C16orf46: variants seen among roughly 807,000 people sequenced by gnomAD.
The protein encoded by C16orf46 is chromosome 16 open reading frame 46.
Under a neutral mutation model 5.5 loss-of-function variants are expected in C16orf46, and 7 were observed. That is an observed-to-expected ratio of 1.28 (90% CI 0.73 to 2.40). The LOEUF is 2.40. C16orf46 is among the 30% of genes most tolerant of loss of function. The probability of loss-of-function intolerance (pLI) is 0.00; values close to 1 mark genes in which losing one functional copy is unlikely to be tolerated. For missense variants in C16orf46, 614 were observed against 476.0 expected (o/e 1.29, Z -2.70); for synonymous variants, 200 against 184.1 (o/e 1.09, Z -0.70).
intron 1 of C16orf46, among the ~76,000 whole-genome samples, chr16:81,074,425 G>A (rs1227826352): frequency 6.6e-6 from 1 of 151,340 alleles, no homozygotes; most frequent in Non-Finnish European, 1.5e-5. Context: ...TCGCTCTGTT[G>A]CCAGGCTGGA....
exon 4 of C16orf46, chr16:81,053,998 T>A: frequency 6.8e-7 from 1 of 1,477,754 alleles, no homozygotes; most frequent in Non-Finnish European, 9.5e-7. Context: ...ATGTCCTGGG[T>A]GAAATATTTG....
Position 81,073,697 on chromosome 16 carries a change from G to A in C16orf46, c.-128+3439C>T, listed in dbSNP as rs140466455. On this transcript the variant is annotated intron_variant, in intron 1 of 3. Transcript: ENST00000299578. ...TTAGCTAGCAGCAGCAGAAGTCAGA[G>A]ATACAAAGCACAAGAGGAATTCAAT... Among the ~76,000 whole-genome samples, 24 of 152,330 alleles carry A rather than the reference G, an allele frequency of 1.6e-4. No homozygotes were observed. The East Asian group carries it at 4.4e-3, about 28-fold the overall frequency.
chr16:81,066,873 A>C (rs932115048), intron 1 of C16orf46, among the ~76,000 whole-genome samples: 2 of 152,224 alleles, frequency 1.3e-5, no homozygotes, highest in African/African-American at 4.8e-5. Context: ...ATCACAGTGA[A>C]GATGTTGCCA....
At chr16:81,070,696 T>C (rs940648185) in intron 1 of C16orf46, among the ~76,000 whole-genome samples, 1 of 152,168 alleles carries the variant, frequency 6.6e-6, no homozygotes, top group Admixed American at 6.5e-5. Context: ...CACTTACTTA[T>C]TTATTTTTGA....
At chr16:81,074,595 G>C (rs1971963579) in intron 1 of C16orf46, among the ~76,000 whole-genome samples, 1 of 152,068 alleles carries the variant, frequency 6.6e-6, no homozygotes, top group Non-Finnish European at 1.5e-5. Flanking sequence ...ATGTTGGCTA[G>C]GATGGTCTCG....
At chr16:81,055,383 C>G (rs1333570461) in intron 3 of C16orf46, 3 of 152,186 alleles carry the variant, frequency 2.0e-5, no homozygotes, top group African/African-American at 4.8e-5. Context: ...CAAGCTAGCT[C>G]TCCTCAAGTT....
intron 1 of C16orf46, among the ~76,000 whole-genome samples, chr16:81,067,055 G>C (rs1224970672): frequency 1.3e-5 from 2 of 152,166 alleles, no homozygotes; most frequent in African/African-American, 4.8e-5. Flanking sequence ...CAAAGTGCAT[G>C]TTTGGATAAA....
In C16orf46 at chr16:81,063,732, A is replaced by G. The variant is rs759564216; in HGVS notation, c.210+14T>C. On this transcript the variant is annotated intron_variant, in intron 3 of 3. Transcript: ENST00000299578. ...GCGAGAGACAGAAAAGCTGTGACTC[A>G]GAAAGATACTCACTGCCTCTTCCCA... 1 of 1,599,896 alleles carries G rather than the reference A, an allele frequency of 6.3e-7. No homozygotes were observed. Among genetic ancestry groups the G allele is most frequent in the Admixed American group, 1.7e-5 (1 of 59,338 alleles).
At position 81,061,344 on chromosome 16, in the gene C16orf46, G is replaced by T. The variant is rs753172995; in HGVS notation, c.1005C>A (p.Tyr335Ter). ...GCTCCTTGGCTTTGAATTTGGATTT[G>T]TAGCTTTGCACTCCCCGTTTCTGCA... ...QLLQKRGVQS[Y>*]KSKFKAKEPR... Residue 335 changes from tyrosine to a stop codon, truncating the protein, a stop_gained, in exon 4 of 4, where the codon TAC (tyrosine) becomes TAA (stop). Coordinates refer to ENST00000299578, the MANE Select transcript of C16orf46 (RefSeq NM_152337.3). LOFTEE classifies it low-confidence loss of function (END_TRUNC). 6.2e-7 allele frequency: 1 copy of T among 1,614,136 alleles called. No homozygotes were observed. The highest frequency in any genetic ancestry group is 8.5e-7 in the Non-Finnish European group (1 of 1,180,026).
At chr16:81,054,110 T>C in intron 3 of C16orf46, 1 of 1,611,004 alleles carries the variant, frequency 6.2e-7, no homozygotes, top group South Asian at 1.1e-5. Flanking sequence ...ACGAGAAATT[T>C]AATGACTTCA....
Position 81,063,804 on chromosome 16 carries a change from G to T in C16orf46, c.152C>A (p.Thr51Lys), listed in dbSNP as rs200805640. The T allele has an allele frequency of 2.5e-6, 4 of 1,613,968 alleles. No individual in the cohort carries two copies. The highest frequency in any genetic ancestry group is 2.5e-6 in the Non-Finnish European group (3 of 1,179,986). The change falls in exon 3 of 4, where the codon ACG becomes AAG. Residue 51 changes from threonine to lysine, a missense_variant. Coordinates refer to ENST00000299578, the MANE Select transcript of C16orf46 (RefSeq NM_152337.3). ...TTTGGCTTTTTCATCTTGTTCAAGCGTAATGTCACTGACATCGAGAAGACA... is the reference window on the plus strand; with the variant it reads ...TTTGGCTTTTTCATCTTGTTCAAGCTTAATGTCACTGACATCGAGAAGACA... ...VYCLLDVSDI[T>K]LEQDEKAKEF...
At chr16:81,074,892 G>A (rs187035912) in intron 1 of C16orf46, among the ~76,000 whole-genome samples, 3 of 151,768 alleles carry the variant, frequency 2.0e-5, no homozygotes, top group Non-Finnish European at 1.5e-5. Flanking sequence ...TTTTGTTTTT[G>A]GACCATTATT....
downstream of C16orf46, among the ~76,000 whole-genome samples, chr16:81,056,681 A>G (rs2602405): frequency 0.96 from 138,012 of 143,378 alleles, 66,667 homozygotes; most frequent in Middle Eastern, 1. Context: ...GGGTAACAGA[A>G]CAAGACTCCG....
At chr16:81,054,476 A>G (rs1043716422) in intron 3 of C16orf46, among the ~76,000 whole-genome samples, 1 of 130,600 alleles carries the variant, frequency 7.7e-6, no homozygotes, top group African/African-American at 2.8e-5. Context: ...CTATTAATGA[A>G]TTGCAAGCTG....
chr16:81,055,797 G>A (rs1971277722), intron 3 of C16orf46, among the ~76,000 whole-genome samples: 1 of 152,184 alleles, frequency 6.6e-6, no homozygotes, highest in Admixed American at 6.5e-5. Flanking sequence ...TCAGCTCACT[G>A]CAACCTCTGC....
At chr16:81,060,633 C>T (rs1971434106), downstream of C16orf46, 2 of 153,862 alleles carry the variant, frequency 1.3e-5, no homozygotes, top group Admixed American at 6.4e-5. Flanking sequence ...TAAAGCAATT[C>T]TTCAGATCTT....
chr16:81,070,758 G>T (rs781245087), intron 1 of C16orf46, among the ~76,000 whole-genome samples: 52 of 152,044 alleles, frequency 3.4e-4, no homozygotes, highest in Non-Finnish European at 6.2e-4. Flanking sequence ...CATGGTCTCG[G>T]CTCACTGCAA....
chr16:81,069,812 A>C (rs1971782570), intron 1 of C16orf46: 1 of 152,186 alleles, frequency 6.6e-6, no homozygotes, highest in African/African-American at 2.4e-5. Context: ...CTGGACTTAA[A>C]ACATTATAAT....
chr16:81,064,138 C>T (rs919144122), intron 2 of C16orf46, 145 bp from the exon 3 acceptor site: 2 of 524,942 alleles, frequency 3.8e-6, no homozygotes, highest in African/African-American at 1.9e-5. Context: ...CCAGGAATTA[C>T]TTTGAGAGGC....
Sources: allele counts gnomAD v4.1 joint callset (sites outside exome capture counted in the v4.1 genomes callset), GRCh38; gene constraint gnomAD v4.1.1; transcripts MANE v1.5; gene names NCBI Gene and HGNC (gene_info 2026-07-23, HGNC 2026-07-21).